Variants in UNC5C observed in about 807,000 individuals in gnomAD.
UNC5C encodes the protein netrin receptor UNC5C.
UNC5C carries 47 observed loss-of-function variants against 99.8 expected under a neutral mutation model. The ratio of observed to expected loss-of-function variants is 0.47; its 90% CI spans 0.37 to 0.60. The LOEUF (loss-of-function observed/expected upper bound fraction) is 0.60. Ranked by LOEUF, UNC5C falls within the 20% of genes least tolerant of loss-of-function variation. The pLI is 0.00. For missense variants in UNC5C, 1,062 were observed against 1,165.9 expected (o/e 0.91, Z 1.30); for synonymous variants, 487 against 452.2 (o/e 1.08, Z -0.98).
intron 1 of UNC5C, among the ~76,000 whole-genome samples, chr4:95,455,265 CA>C (rs1747396147): frequency 6.6e-6 from 1 of 152,042 alleles, no homozygotes; most frequent in South Asian, 2.1e-4. Context: ...TTCCCATTGG[CA>C]AAGTGATGTC....
Position 95,447,739 on chromosome 4 carries a change from G to A in UNC5C, c.124+100995C>T, listed in dbSNP as rs529755560. On this transcript the variant is annotated intron_variant, in intron 1 of 15. Transcript: ENST00000453304. ...TGGTCTCAAACTCGTGATCTCAGGCGATCTGCCTGCCACGGCTTCCAAAGT... is the reference window on the plus strand; with the variant it reads ...TGGTCTCAAACTCGTGATCTCAGGCAATCTGCCTGCCACGGCTTCCAAAGT... Among the ~76,000 whole-genome samples, 4 of 152,198 alleles carry A rather than the reference G, an allele frequency of 2.6e-5. No homozygotes were observed. The East Asian group carries it at 7.8e-4, about 30-fold the overall frequency.
At chr4:95,175,100 G>A (rs1227931301) in intron 14 of UNC5C, among the ~76,000 whole-genome samples, 15 of 149,780 alleles carry the variant, frequency 1.0e-4, no homozygotes, top group African/African-American at 1.5e-4. Flanking sequence ...TGCTTGGTAG[G>A]TCTTCCTCCA....
intron 2 of UNC5C, among the ~76,000 whole-genome samples, chr4:95,327,097 T>C (rs1262411972): frequency 6.6e-6 from 1 of 152,148 alleles, no homozygotes; most frequent in Non-Finnish European, 1.5e-5. Context: ...TTCTTGCTAT[T>C]AAGAACCACT....
intron 1 of UNC5C, among the ~76,000 whole-genome samples, chr4:95,520,211 T>G (rs1386459828): frequency 6.6e-6 from 1 of 152,208 alleles, no homozygotes; most frequent in African/African-American, 2.4e-5. Context: ...AAATAGAATA[T>G]AAAATATATT....
At chr4:95,198,310 A>AAAG (rs1737516012) in intron 12 of UNC5C, among the ~76,000 whole-genome samples, 1 of 152,114 alleles carries the variant, frequency 6.6e-6, no homozygotes, top group South Asian at 2.1e-4. Context: ...CCTTAAGAAC[A>AAAG]AAGGGTAGCT....
chr4:95,513,387 CA>C (rs1241971491), intron 1 of UNC5C, among the ~76,000 whole-genome samples: 1 of 152,116 alleles, frequency 6.6e-6, no homozygotes, highest in Non-Finnish European at 1.5e-5. Flanking sequence ...GTTGGATAAA[CA>C]AATACATTCT....
chr4:95,410,966 A>T (rs1745969177), intron 1 of UNC5C, among the ~76,000 whole-genome samples: 3 of 152,208 alleles, frequency 2.0e-5, no homozygotes, highest in Admixed American at 2.0e-4. Flanking sequence ...TTGTCAGGAA[A>T]GGGACAAATG....
In UNC5C at chr4:95,548,723, G is replaced by A. The variant is rs1319483233; in HGVS notation, c.124+11C>T. ...AGGGAGGTGGCCGCGGAGCTTGGCG[G>A]ACCCCCTTACCTTGGGCGGCGGAGC... On this transcript the variant is annotated intron_variant, in intron 1 of 15. Coordinates refer to ENST00000453304, the MANE Select transcript of UNC5C (RefSeq NM_003728.4). 6.2e-7 allele frequency: 1 copy of A among 1,611,868 alleles called. No homozygotes were observed. The highest frequency in any genetic ancestry group is 8.5e-7 in the Non-Finnish European group (1 of 1,179,018).
intron 2 of UNC5C, among the ~76,000 whole-genome samples, chr4:95,313,757 C>T (rs552729564): frequency 6.6e-6 from 1 of 152,290 alleles, no homozygotes; most frequent in East Asian, 1.9e-4. Flanking sequence ...AAAAAGCATA[C>T]TATAAAGATT....
At chr4:95,291,520 T>A (rs1372170532) in intron 3 of UNC5C, among the ~76,000 whole-genome samples, 2 of 152,218 alleles carry the variant, frequency 1.3e-5, no homozygotes, top group Non-Finnish European at 2.9e-5. Context: ...AAAATATGAC[T>A]TATGAGACTG....
intron 1 of UNC5C, among the ~76,000 whole-genome samples, 177 bp downstream of exon 1, chr4:95,548,557 A>T (rs4699431): frequency 0.37 from 55,198 of 149,712 alleles, 10,890 homozygotes; most frequent in Middle Eastern, 0.46. Flanking sequence ...TAATAATAAT[A>T]ATTATTATTA....
chr4:95,203,056 T>C, intron 11 of UNC5C, 92 bp from the exon 12 acceptor site: 2 of 1,091,188 alleles, frequency 1.8e-6, no homozygotes, highest in Non-Finnish European at 2.7e-6. Flanking sequence ...GAGCAGGACC[T>C]ATCCTTTACT....
intron 1 of UNC5C, among the ~76,000 whole-genome samples, chr4:95,450,411 G>T (rs1747249372): frequency 6.6e-6 from 1 of 152,182 alleles, no homozygotes; most frequent in Non-Finnish European, 1.5e-5. Context: ...TCTGTAGAGA[G>T]TGTGTGTCAC....
At chr4:95,204,863 T>C (rs1030407021) in intron 11 of UNC5C, among the ~76,000 whole-genome samples, 1 of 152,226 alleles carries the variant, frequency 6.6e-6, no homozygotes, top group Non-Finnish European at 1.5e-5. Flanking sequence ...TTATTAGGCC[T>C]TGCAACATGA....
At chr4:95,429,335 C>G (rs1235628846) in intron 1 of UNC5C, among the ~76,000 whole-genome samples, 7 of 150,202 alleles carry the variant, frequency 4.7e-5, no homozygotes, top group African/African-American at 1.5e-4. Flanking sequence ...GGAATTTTAC[C>G]ATCCAATCAT....
intron 1 of UNC5C, among the ~76,000 whole-genome samples, chr4:95,456,344 T>C (rs1403190904): frequency 6.6e-6 from 1 of 152,150 alleles, no homozygotes; most frequent in East Asian, 1.9e-4. Flanking sequence ...GAAAGTCAGT[T>C]GTGGGAATGG....
chr4:95,176,231 C>G (rs1386001818), intron 14 of UNC5C, among the ~76,000 whole-genome samples: 2 of 152,218 alleles, frequency 1.3e-5, no homozygotes, highest in African/African-American at 4.8e-5. Flanking sequence ...CTGAAGCCTT[C>G]CTCTCTCAGC....
At chr4:95,410,319 G>T (rs554316329) in intron 1 of UNC5C, among the ~76,000 whole-genome samples, 2 of 152,014 alleles carry the variant, frequency 1.3e-5, no homozygotes, top group Non-Finnish European at 2.9e-5. Context: ...CCTCCTACTA[G>T]GTCCCAGTCT....
chr4:95,205,884 C>T (rs1737857772), intron 11 of UNC5C, among the ~76,000 whole-genome samples: 1 of 152,050 alleles, frequency 6.6e-6, no homozygotes, highest in African/African-American at 2.4e-5. Flanking sequence ...TTTCTGTTTT[C>T]CAAGGTTAAG....
Sources: gnomAD v4.1 joint callset for allele counts (sites outside exome capture counted in the v4.1 genomes callset) on GRCh38, gnomAD v4.1.1 for gene constraint, MANE v1.5 for transcripts, NCBI Gene and HGNC (gene_info 2026-07-23, HGNC 2026-07-21) for gene names.